Variants in HSPG2 observed in about 807,000 individuals in gnomAD.
HSPG2 encodes the protein basement membrane-specific heparan sulfate proteoglycan core protein.
HSPG2 carries 278 observed loss-of-function variants against 526.6 expected under a neutral mutation model. That is an observed-to-expected ratio of 0.53 (90% CI 0.48 to 0.58). The LOEUF (loss-of-function observed/expected upper bound fraction) is 0.58. HSPG2 is among the 20% of genes least tolerant of loss of function. The probability of loss-of-function intolerance (pLI) is 0.00; values close to 1 mark genes in which losing one functional copy is unlikely to be tolerated. For synonymous variants in HSPG2, 2,465 were observed against 2,555.4 expected, an observed-to-expected ratio of 0.96 and a Z score of 1.07; for missense variants, 5,354 against 6,099.5, an observed-to-expected ratio of 0.88 and a Z score of 4.07.
intron 1 of HSPG2, among the ~76,000 whole-genome samples, chr1:21,911,646 C>G (rs1643688302): frequency 6.6e-6 from 1 of 152,340 alleles, no homozygotes; most frequent in Middle Eastern, 3.4e-3. Context: ...TTAACTGGAG[C>G]CTGGCCTGCT....
rs780494764 is a variant in HSPG2 at position 21,912,071 on chromosome 1, T to C, written c.64-15761A>G. 8.5e-5 allele frequency among the ~76,000 whole-genome samples: 13 copies of C among 152,292 alleles called. No individual in the cohort carries two copies. The Middle Eastern group carries it at 0.014, about 159-fold the overall frequency. ...TGATAGTTTTTTGCGATGACTACTA[T>C]ATCTATCATATTTTATTAATAAGTC... On this transcript the variant is annotated intron_variant, in intron 1 of 96. Coordinates refer to ENST00000374695, the MANE Select transcript of HSPG2 (RefSeq NM_005529.7).
Position 21,865,018 on chromosome 1 carries a change from GC to G in HSPG2, c.4450del (p.Ala1484HisfsTer9), listed in dbSNP as rs1367793248. The G allele has an allele frequency of 6.3e-7, 1 of 1,577,360 alleles. No individual in the cohort carries two copies. Among genetic ancestry groups the G allele is most frequent in the Admixed American group, 1.8e-5 (1 of 54,938 alleles). On this transcript the variant is annotated frameshift_variant, in exon 36 of 97. Transcript: ENST00000374695. LOFTEE classifies it high-confidence loss of function. The surrounding 1 kb of genome is among the most constrained non-coding windows in gnomAD (Gnocchi z 5.4). ...QPATREHLLM[A>X]LADLDELLIR... ...CAGGAGCTCATCCAGGTCGGCCAGTGCCATCAGGAGGTGCTCGCGTGTGGCC... is the reference window on the plus strand; with the variant it reads ...CAGGAGCTCATCCAGGTCGGCCAGTGCATCAGGAGGTGCTCGCGTGTGGCC...
chr1:21,884,602 G>A lies in HSPG2; in HGVS notation c.1580C>T (p.Thr527Ile). ...ACLPCFCFGI[T>I]SVCQSTRRFR... ...GCGGCGGGTGCTCTGGCACACGCTG[G>A]TGATGCCAAAGCAGAAGCAGGGCAG... Residue 527 changes from threonine to isoleucine, a missense_variant, in exon 13 of 97, where the codon ACC (threonine) becomes ATC (isoleucine). Transcript: ENST00000374695. 1 of 1,610,974 alleles carries A rather than the reference G, an allele frequency of 6.2e-7. No individual in the cohort carries two copies. The highest frequency in any genetic ancestry group is 8.5e-7 in the Non-Finnish European group (1 of 1,179,808).
chr1:21,884,918 C>T lies in HSPG2; in HGVS notation c.1356G>A (p.Arg452=), dbSNP rs150771453. The T allele has an allele frequency of 3.0e-5, 49 of 1,613,974 alleles. No individual in the cohort carries two copies. In the African/African-American group the frequency reaches 4.9e-4, roughly 16 times the overall value. The part of the protein sequence containing the change: ...LNWGHIPSHP[R]VTVTSEGGRG... Reference sequence around the variant, plus strand: ...GGCCACCCTCGCTGGTCACTGTCACCCTGGTGAGCCCCAAGACAAGTGGTA... The same window carrying T: ...GGCCACCCTCGCTGGTCACTGTCACTCTGGTGAGCCCCAAGACAAGTGGTA... Residue 452 remains arginine, a splice_region_variant and synonymous_variant, in exon 12 of 97, where the codon AGG becomes AGA. Transcript: ENST00000374695.
In HSPG2 at chr1:21,825,701, G is replaced by A. The variant is rs12040859; in HGVS notation, c.12590-922C>T. Among the ~76,000 whole-genome samples, 2,895 of 152,278 alleles carry A rather than the reference G, an allele frequency of 0.019. 158 individuals are homozygous for A. In the East Asian group the frequency reaches 0.2, roughly 10 times the overall value. On this transcript the variant is annotated intron_variant, in intron 91 of 96. Coordinates refer to ENST00000374695, the MANE Select transcript of HSPG2 (RefSeq NM_005529.7). ...CCTATGATGTGGCTGTGCGGGGAGC[G>A]TCCCATCCAGCTACAGACACCACTG...
At chr1:21,841,752 T>G in intron 69 of HSPG2, 79 bp from the exon 70 acceptor site, 1 of 1,565,740 alleles carries the variant, frequency 6.4e-7, no homozygotes, top group Non-Finnish European at 8.8e-7. Flanking sequence ...CCTGTGCCCC[T>G]GGGCCCACTT....
chr1:21,885,336 G>C lies in HSPG2; in HGVS notation c.1194C>G (p.Ser398Arg), dbSNP rs145462567. 1 of 1,614,020 alleles carries C rather than the reference G, an allele frequency of 6.2e-7. No homozygotes were observed. The highest frequency in any genetic ancestry group is 8.5e-7 in the Non-Finnish European group (1 of 1,180,002). ...CCTGCTCACTGCAGCCAAACTCGTC[G>C]CTCCGGTCAGGACAGTCGCTCTCCT... ...CDEESDCPDR[S>R]DEFGCMPPQV... Residue 398 changes from serine (S) to arginine (R), a missense_variant, in exon 10 of 97, where the codon AGC becomes AGG. By Grantham distance (110) the Ser-to-Arg change is moderately radical. Transcript: ENST00000374695.
rs769943118 is a variant in HSPG2, at chr1:21,873,446, G to C, written c.3744-22C>G. 3.1e-6 allele frequency: 5 copies of C among 1,613,730 alleles called. 1 individual carries two copies. The South Asian group carries it at 5.5e-5, about 18-fold the overall frequency. ...GCACCTGCAGAGAGAAAAAGCCTCT[G>C]ATGAATTTTGGATGAAGGGAAGCAG... On this transcript the variant is annotated intron_variant, in intron 29 of 96. Transcript: ENST00000374695.
At position 21,849,742 on chromosome 1, in the gene HSPG2, C is replaced by T. The variant is rs182122250; in HGVS notation, c.7446+299G>A. 3.2e-3 allele frequency among the ~76,000 whole-genome samples: 482 copies of T among 152,148 alleles called. 2 individuals are homozygous for T. The highest frequency in any genetic ancestry group is 0.01 in the Middle Eastern group (3 of 294). ...TCGCCCAGGCTGGAGTGCAACGGCACGATCTCGGCTCACTGCAACCTCCGC... is the reference window on the plus strand; with the variant it reads ...TCGCCCAGGCTGGAGTGCAACGGCATGATCTCGGCTCACTGCAACCTCCGC... On this transcript the variant is annotated intron_variant, in intron 57 of 96. Transcript: ENST00000374695.
chr1:21,855,019 C>T, intron 47 of HSPG2, 36 bp from the exon 48 acceptor site: 1 of 1,608,106 alleles, frequency 6.2e-7, no homozygotes, highest in Admixed American at 1.7e-5. Flanking sequence ...GCCCCAGAGG[C>T]AGCTGGACAA....
intron 33 of HSPG2, chr1:21,870,708 C>T (rs951265993): frequency 3.0e-5 from 14 of 462,816 alleles, no homozygotes; most frequent in Admixed American, 1.9e-4. Flanking sequence ...CATGGGACAC[C>T]GCCTGGATTC....
intron 64 of HSPG2, 49 bp from the exon 65 acceptor site, chr1:21,844,348 C>CCAGGGGAAGGGCTGAGGGCA: frequency 6.3e-7 from 1 of 1,575,112 alleles, no homozygotes; most frequent in Non-Finnish European, 8.7e-7. Context: ...CCCTGATGCC[C>CCAGGGGAAGGGCTGAGGGCA]TCAGCCCTTC....
In HSPG2 at chr1:21,848,722, A is replaced by G. The variant is rs752794667; in HGVS notation, c.7658T>C (p.Leu2553Pro). ...ASLANGHTLD[L>P]NCLVASQAPH... ...AGCCTGGCTGGCAACCAGGCAGTTG[A>G]GGTCCAGGGTGTGTCCATTGGCCAG... The change falls in exon 59 of 97, where the codon CTC becomes CCC. Residue 2553 changes from leucine to proline, a missense_variant. Physicochemically the swap from Leu to Pro is moderately conservative, Grantham distance 98. Coordinates refer to ENST00000374695, the MANE Select transcript of HSPG2 (RefSeq NM_005529.7). This position sits in a 1 kb window ranked among gnomAD's most constrained non-coding sequence, Gnocchi z 4.9. 1.9e-6 allele frequency: 3 copies of G among 1,613,760 alleles called. No individual in the cohort carries two copies. Among genetic ancestry groups the G allele is most frequent in the Non-Finnish European group, 2.5e-6 (3 of 1,179,950 alleles).
intron 47 of HSPG2, 32 bp downstream of exon 47, chr1:21,855,272 C>T (rs1000383124): frequency 6.3e-6 from 10 of 1,585,046 alleles, no homozygotes; most frequent in African/African-American, 1.3e-5. Context: ...AGCCTGTGGG[C>T]CTCCTCCTCC....
In HSPG2 at chr1:21,841,124, T is replaced by A; in HGVS notation, c.9490A>T (p.Met3164Leu). Residue 3164 changes from methionine (M) to leucine (L), a missense_variant, in exon 71 of 97, where the codon ATG becomes TTG. By Grantham distance (15) the Met-to-Leu change is conservative (BLOSUM62 2). Coordinates refer to ENST00000374695, the MANE Select transcript of HSPG2 (RefSeq NM_005529.7). Reference sequence around the variant, plus strand: ...ACCTGCAGCACCGCGTGGCTGTCCATGAGCCCATATGTCCGCTGCTCCAAC... The same window carrying A: ...ACCTGCAGCACCGCGTGGCTGTCCAAGAGCCCATATGTCCGCTGCTCCAAC... ...AKLEQRTYGL[M>L]DSHAVLQISS... 6.2e-7 allele frequency: 1 copy of A among 1,612,330 alleles called. No homozygotes were observed. The highest frequency in any genetic ancestry group is 8.5e-7 in the Non-Finnish European group (1 of 1,179,544).
Position 21,894,073 on chromosome 1 carries a change from G to A in HSPG2, c.244+1849C>T, listed in dbSNP as rs969399602. Among the ~76,000 whole-genome samples, 7 of 152,072 alleles carry A rather than the reference G, an allele frequency of 4.6e-5. No homozygotes were observed. The East Asian group carries it at 1.2e-3, about 25-fold the overall frequency. ...CACAGACATGCCGACAAGGGTCAGA[G>A]CAGGACACACGGGCATGGGGGAAGA... is the stretch of plus-strand genomic sequence containing the variant. On this transcript the variant is annotated intron_variant, in intron 3 of 96. Coordinates refer to ENST00000374695, the MANE Select transcript of HSPG2 (RefSeq NM_005529.7).
At position 21,838,642 on chromosome 1, in the gene HSPG2, C is replaced by T. The variant is rs57921858; in HGVS notation, c.10150+183G>A. On this transcript the variant is annotated intron_variant, in intron 74 of 96. Coordinates refer to ENST00000374695, the MANE Select transcript of HSPG2 (RefSeq NM_005529.7). The stretch of plus-strand genomic sequence containing the variant: ...AGCCGTGAGAGCTAGAGGAGCTGAG[C>T]ACACATGATGGAGGGCTTCCTGGAG... 2.6e-5 allele frequency among the ~76,000 whole-genome samples: 4 copies of T among 152,286 alleles called. No homozygotes were observed. In the East Asian group the frequency reaches 7.7e-4, roughly 29 times the overall value.
chr1:21,885,887 C>T (rs944071265), intron 9 of HSPG2, among the ~76,000 whole-genome samples: 3 of 152,258 alleles, frequency 2.0e-5, no homozygotes, highest in African/African-American at 4.8e-5. Context: ...AGGGGCTCGA[C>T]GGTCTGTGCT....
chr1:21,903,277 C>A (rs1643194987), intron 1 of HSPG2, among the ~76,000 whole-genome samples: 2 of 152,138 alleles, frequency 1.3e-5, no homozygotes, highest in Non-Finnish European at 2.9e-5. Context: ...CAGAACAATC[C>A]CTCCAAGAAT....
Sources: gnomAD v4.1 joint callset for allele counts (sites outside exome capture counted in the v4.1 genomes callset) on GRCh38, gnomAD v4.1.1 for gene constraint, Gnocchi (gnomAD v3.1) non-coding constraint, MANE v1.5 for transcripts, NCBI Gene and HGNC (gene_info 2026-07-23, HGNC 2026-07-21) for gene names.